The following BARX2 variants were observed in gnomAD, a reference collection of about 807,000 sequenced individuals.
BARX2 encodes the protein homeobox protein BarH-like 2.
Under a neutral mutation model 25.5 loss-of-function variants are expected in BARX2, and 11 were observed. That is an observed-to-expected ratio of 0.43 (90% confidence interval 0.27 to 0.71). BARX2 has a LOEUF of 0.71. Among genes scored for constraint, BARX2 ranks in the 30% least tolerant of loss-of-function variants. The probability of loss-of-function intolerance (pLI) is 0.19; values close to 1 mark genes in which losing one functional copy is unlikely to be tolerated. For synonymous variants in BARX2, 137 were observed against 149.5 expected (o/e 0.92, Z 0.61); for missense variants, 360 against 359.9 (o/e 1.00, Z 0.00).
chr11:129,405,294 G>A (rs1162072891), intron 1 of BARX2, among the ~76,000 whole-genome samples: 1 of 152,158 alleles, frequency 6.6e-6, no homozygotes, highest in African/African-American at 2.4e-5. Flanking sequence ...AAGGGGTGAT[G>A]ATAGAGTTTG....
intron 1 of BARX2, among the ~76,000 whole-genome samples, chr11:129,426,457 C>T (rs1172094313): frequency 6.6e-6 from 1 of 152,026 alleles, no homozygotes; most frequent in African/African-American, 2.4e-5. Flanking sequence ...ACTGCAACCT[C>T]CATCTATCGA....
In BARX2 at chr11:129,376,282, C is replaced by A; in HGVS notation, c.187+60C>A. On this transcript the variant is annotated intron_variant, in intron 1 of 3. Transcript: ENST00000281437. This position sits in a 1 kb window ranked among gnomAD's most constrained non-coding sequence, Gnocchi z 4.2. ...GTAGCTTTCACGTCCGTGTAGGTGG[C>A]CTGTGCTTTGCGATCCGAGGGCGAG... The A allele has an allele frequency of 6.8e-7, 1 of 1,465,392 alleles. No homozygotes were observed. Among genetic ancestry groups the A allele is most frequent in the East Asian group, 2.7e-5 (1 of 37,680 alleles). The allele number at this position is 1,465,392 out of a possible 1,614,324, so 90.8% of individuals were successfully genotyped here.
chr11:129,391,689 T>G (rs901924989), intron 1 of BARX2, among the ~76,000 whole-genome samples: 1 of 152,214 alleles, frequency 6.6e-6, no homozygotes, highest in Non-Finnish European at 1.5e-5. Context: ...CTCTGGGCTT[T>G]AAGGATAAAT....
chr11:129,400,697 A>G (rs1300264301), intron 1 of BARX2, among the ~76,000 whole-genome samples: 1 of 152,198 alleles, frequency 6.6e-6, no homozygotes, highest in Non-Finnish European at 1.5e-5. Flanking sequence ...ATCATTGTGG[A>G]GGATGACGTT....
chr11:129,378,906 G>C lies in BARX2; in HGVS notation c.187+2684G>C, dbSNP rs1591423528. Reference sequence around the variant, plus strand: ...GCTCTGTGGATTTAGTAACCTAAAGGTCAATTTATGGTACCAAATATCAGG... The same window carrying C: ...GCTCTGTGGATTTAGTAACCTAAAGCTCAATTTATGGTACCAAATATCAGG... On this transcript the variant is annotated intron_variant, in intron 1 of 3. Coordinates refer to ENST00000281437, the MANE Select transcript of BARX2 (RefSeq NM_003658.5). Among the ~76,000 whole-genome samples, 3 of 150,982 alleles carry C rather than the reference G, an allele frequency of 2.0e-5. No homozygotes were observed. In the South Asian group the frequency reaches 6.3e-4, roughly 32 times the overall value.
intron 1 of BARX2, among the ~76,000 whole-genome samples, chr11:129,408,684 C>T (rs1344556220): frequency 4.6e-5 from 7 of 152,196 alleles, no homozygotes; most frequent in African/African-American, 1.7e-4. Flanking sequence ...TCGGCCTCCC[C>T]ACCCTCAGCC....
At chr11:129,400,175 T>C (rs1352736969) in intron 1 of BARX2, among the ~76,000 whole-genome samples, 1 of 152,100 alleles carries the variant, frequency 6.6e-6, no homozygotes, top group Non-Finnish European at 1.5e-5. Context: ...AGTGCTTACT[T>C]TTTGCCAGGT....
At chr11:129,388,003 T>A (rs527984175) in intron 1 of BARX2, among the ~76,000 whole-genome samples, 2 of 152,262 alleles carry the variant, frequency 1.3e-5, no homozygotes, top group African/African-American at 4.8e-5. Context: ...CTTGCATCTG[T>A]CTCTTTCAAT....
intron 1 of BARX2, among the ~76,000 whole-genome samples, chr11:129,424,685 CTCT>C (rs1445891870): frequency 9.2e-5 from 14 of 152,224 alleles, no homozygotes; most frequent in Admixed American, 9.2e-4. Context: ...GGAATTGCTT[CTCT>C]TCTTGTCTCT....
At chr11:129,404,597 A>G (rs1861810598) in intron 1 of BARX2, among the ~76,000 whole-genome samples, 1 of 152,212 alleles carries the variant, frequency 6.6e-6, no homozygotes, top group Admixed American at 6.5e-5. Flanking sequence ...ATAAAACAAC[A>G]GTGATGTTAC....
At position 129,376,230 on chromosome 11, in the gene BARX2, G is replaced by A. The variant is rs774342349; in HGVS notation, c.187+8G>A. The A allele has an allele frequency of 1.7e-5, 27 of 1,593,978 alleles. No homozygotes were observed. Among genetic ancestry groups the A allele is most frequent in the Admixed American group, 3.5e-5 (2 of 57,776 alleles). ...CCCTGCATTCCTGTACGGGTAAGACGCTCCGCTAGGGGATAAGTGGGGTTC... is the reference window on the plus strand; with the variant it reads ...CCCTGCATTCCTGTACGGGTAAGACACTCCGCTAGGGGATAAGTGGGGTTC... On this transcript the variant is annotated splice_region_variant and intron_variant, in intron 1 of 3. Coordinates refer to ENST00000281437, the MANE Select transcript of BARX2 (RefSeq NM_003658.5). The surrounding 1 kb of genome is among the most constrained non-coding windows in gnomAD (Gnocchi z 4.2).
intron 1 of BARX2, among the ~76,000 whole-genome samples, chr11:129,409,245 C>A (rs997065165): frequency 7.9e-5 from 12 of 152,220 alleles, no homozygotes; most frequent in Non-Finnish European, 1.5e-4. Flanking sequence ...TCCCACCCAC[C>A]GTTCTCTGCC....
At chr11:129,413,920 G>C (rs1172072873) in intron 1 of BARX2, among the ~76,000 whole-genome samples, 2 of 152,092 alleles carry the variant, frequency 1.3e-5, no homozygotes, top group Non-Finnish European at 2.9e-5. Context: ...ACAAAAATTA[G>C]CCGGGCGTGG....
In BARX2 at chr11:129,442,938, A is replaced by G. The variant is rs1363851511; in HGVS notation, c.573+19A>G. On this transcript the variant is annotated intron_variant, in intron 3 of 3. Coordinates refer to ENST00000281437, the MANE Select transcript of BARX2 (RefSeq NM_003658.5). ...GAAAATGGTAAGAAAGGAGTGACTA[A>G]CCATGATCCCTTCCTGATGGGAAGG... The G allele has an allele frequency of 6.3e-7, 1 of 1,597,972 alleles. No homozygotes were observed. Among genetic ancestry groups the G allele is most frequent in the Admixed American group, 1.7e-5 (1 of 59,970 alleles).
intron 2 of BARX2, chr11:129,437,389 T>C: frequency 1.0e-6 from 1 of 981,458 alleles, no homozygotes. Context: ...AGCCACTCAC[T>C]CTTAGGATTG....
chr11:129,377,439 A>G (rs1256498000), intron 1 of BARX2, among the ~76,000 whole-genome samples: 3 of 152,264 alleles, frequency 2.0e-5, no homozygotes, highest in African/African-American at 7.2e-5. Context: ...TACTGTATTC[A>G]GTTATGCCTT....
intron 1 of BARX2, among the ~76,000 whole-genome samples, chr11:129,377,869 C>T (rs1218402539): frequency 6.6e-6 from 1 of 152,140 alleles, no homozygotes; most frequent in Non-Finnish European, 1.5e-5. Context: ...GCAGCTTTTC[C>T]TGGCTTATAG....
intron 1 of BARX2, among the ~76,000 whole-genome samples, chr11:129,435,488 A>G (rs1371734397): frequency 6.6e-6 from 1 of 152,206 alleles, no homozygotes; most frequent in Non-Finnish European, 1.5e-5. Context: ...CTGTGATGTT[A>G]GTCGGTTTCA....
At chr11:129,447,370 C>A (rs115715516) in intron 3 of BARX2, among the ~76,000 whole-genome samples, 1 of 152,176 alleles carries the variant, frequency 6.6e-6, no homozygotes, top group Admixed American at 6.5e-5. Context: ...GGTGTTCTTC[C>A]GAGAGGCAGA....
Sources: gnomAD v4.1 joint callset for allele counts (sites outside exome capture counted in the v4.1 genomes callset) on GRCh38, gnomAD v4.1.1 for gene constraint, Gnocchi (gnomAD v3.1) non-coding constraint, MANE v1.5 for transcripts, NCBI Gene and HGNC (gene_info 2026-07-23, HGNC 2026-07-21) for gene names.